The following RHOJ variants were observed in gnomAD, a reference collection of about 807,000 sequenced individuals.
RHOJ encodes ras homolog family member J.
RHOJ carries 11 observed loss-of-function variants against 23.4 expected under a neutral mutation model. The observed-to-expected ratio is 0.47, with a 90% CI of 0.30 to 0.78. The LOEUF (loss-of-function observed/expected upper bound fraction) is 0.78. RHOJ is among the 30% of genes least tolerant of loss of function. The pLI, the probability that RHOJ is intolerant of heterozygous loss-of-function variation, is 0.08. For synonymous variants in RHOJ, 102 were observed against 102.7 expected (o/e 0.99, Z 0.04); for missense variants, 254 against 273.4 (o/e 0.93, Z 0.50).
intron 1 of RHOJ, among the ~76,000 whole-genome samples, chr14:63,222,950 T>C (rs2139739330): frequency 6.6e-6 from 1 of 152,332 alleles, no homozygotes; most frequent in African/African-American, 2.4e-5. Context: ...CCTCCTCACC[T>C]CTGTGTTTCT....
chr14:63,226,206 A>G (rs1894591694), intron 1 of RHOJ, among the ~76,000 whole-genome samples: 1 of 152,166 alleles, frequency 6.6e-6, no homozygotes, highest in African/African-American at 2.4e-5. Context: ...ATAATGCCAT[A>G]TGATAGGTAA....
At chr14:63,245,166 C>T (rs1894954645) in intron 1 of RHOJ, among the ~76,000 whole-genome samples, 1 of 152,142 alleles carries the variant, frequency 6.6e-6, no homozygotes, top group Non-Finnish European at 1.5e-5. Context: ...TTCTAAAAAA[C>T]TCTGTAAGCA....
chr14:63,254,362 T>G (rs1895125347), intron 1 of RHOJ, among the ~76,000 whole-genome samples: 1 of 152,134 alleles, frequency 6.6e-6, no homozygotes, highest in South Asian at 2.1e-4. Context: ...TCACTTCCAG[T>G]CCACCAGATG....
chr14:63,235,499 C>A (rs2139626044), intron 1 of RHOJ, among the ~76,000 whole-genome samples: 1 of 152,242 alleles, frequency 6.6e-6, no homozygotes, highest in Non-Finnish European at 1.5e-5. Context: ...ACCATGTCTA[C>A]AATTTACTTT....
rs1475211695 is a variant in RHOJ at position 63,290,979 on chromosome 14, G to T, written c.600G>T (p.Lys200Asn). 3.2e-5 allele frequency: 52 copies of T among 1,614,172 alleles called. No homozygotes were observed. Among genetic ancestry groups the T allele is most frequent in the Non-Finnish European group, 4.4e-5 (52 of 1,180,022 alleles). ...AILTIFHPKKKKKRCSEGHSC... is the reference protein window; with the variant it reads ...AILTIFHPKKNKKRCSEGHSC... ...TCACCATTTTCCACCCCAAGAAAAA[G>T]AAGAAACGCTGTTCTGAGGGTCACA... Residue 200 changes from lysine to asparagine, a missense_variant, in exon 5 of 5, where the codon AAG (lysine) becomes AAT (asparagine). By Grantham distance (94) the Lys-to-Asn change is moderately conservative. Transcript: ENST00000316754.
chr14:63,244,117 C>T (rs933221705), intron 1 of RHOJ, among the ~76,000 whole-genome samples: 8 of 152,178 alleles, frequency 5.3e-5, no homozygotes, highest in Non-Finnish European at 1.2e-4. Flanking sequence ...GATGATAGAG[C>T]TTCGACTTCA....
intron 1 of RHOJ, among the ~76,000 whole-genome samples, chr14:63,261,333 CCTTT>C (rs1895268438): frequency 6.6e-6 from 1 of 151,992 alleles, no homozygotes; most frequent in Non-Finnish European, 1.5e-5. Context: ...GGTGTATTTA[CCTTT>C]CTTTTTGATA....
intron 2 of RHOJ, among the ~76,000 whole-genome samples, chr14:63,273,547 C>T (rs1895509622): frequency 6.6e-6 from 1 of 152,174 alleles, no homozygotes; most frequent in African/African-American, 2.4e-5. Flanking sequence ...GGGCATTCAC[C>T]AGCTGAGGAA....
At chr14:63,271,710 T>A (rs1345247299) in intron 2 of RHOJ, among the ~76,000 whole-genome samples, 1 of 152,254 alleles carries the variant, frequency 6.6e-6, no homozygotes, top group Non-Finnish European at 1.5e-5. Context: ...TTCTTCTGCC[T>A]CATCCTCCCA....
intron 4 of RHOJ, among the ~76,000 whole-genome samples, chr14:63,289,614 A>C (rs1467303422): frequency 6.6e-6 from 1 of 152,264 alleles, no homozygotes; most frequent in Admixed American, 6.5e-5. Flanking sequence ...ATGAACAAAT[A>C]AAACCGCAGG....
At chr14:63,255,508 A>G (rs2139644424) in intron 1 of RHOJ, among the ~76,000 whole-genome samples, 1 of 152,304 alleles carries the variant, frequency 6.6e-6, no homozygotes, top group South Asian at 2.1e-4. Flanking sequence ...AGGACCCACC[A>G]GACCATCTGA....
intron 1 of RHOJ, among the ~76,000 whole-genome samples, chr14:63,223,002 C>A (rs560900651): frequency 6.6e-6 from 1 of 152,184 alleles, no homozygotes; most frequent in African/African-American, 2.4e-5. Context: ...CACAGCTCCT[C>A]CTGCTCTCAA....
Position 63,257,724 on chromosome 14 carries a change from T to C in RHOJ, c.179-11386T>C, listed in dbSNP as rs554403798. Among the ~76,000 whole-genome samples, 17 of 149,236 alleles carry C rather than the reference T, an allele frequency of 1.1e-4. 2 individuals carry two copies. The East Asian group carries it at 3.6e-3, about 31-fold the overall frequency. On this transcript the variant is annotated intron_variant, in intron 1 of 4. Transcript: ENST00000316754. ...TTTTCCCCTCCTCTGATTTTTTTTTTCACAAGGCTGTCATTTCTCTGCAGT... is the reference window on the plus strand; with the variant it reads ...TTTTCCCCTCCTCTGATTTTTTTTTCCACAAGGCTGTCATTTCTCTGCAGT...
Position 63,291,591 on chromosome 14 carries a change from AT to A in RHOJ, c.*571del, listed in dbSNP as rs1882255752. 1.3e-5 allele frequency: 2 copies of A among 158,614 alleles called. No homozygotes were observed. Among genetic ancestry groups the A allele is most frequent in the Admixed American group, 1.2e-4 (2 of 17,158 alleles). The allele number at this position is 158,614 out of a possible 1,614,324, so 9.8% of individuals were successfully genotyped here. ...GACAAGGCATTTTATATTCATTTCT[AT>A]TTTCAGCATGTTTCTACCAAAGCTA... On this transcript the variant is annotated 3_prime_UTR_variant, in exon 5 of 5. Transcript: ENST00000316754.
chr14:63,256,578 C>G (rs530710874), intron 1 of RHOJ, among the ~76,000 whole-genome samples: 2 of 152,312 alleles, frequency 1.3e-5, no homozygotes, highest in African/African-American at 4.8e-5. Context: ...TTGGCCAGTC[C>G]CTTCTTGGAG....
intron 2 of RHOJ, 159 bp downstream of exon 2, chr14:63,269,327 C>A (rs148993659): frequency 2.0e-6 from 1 of 491,656 alleles, no homozygotes; most frequent in Non-Finnish European, 3.6e-6. Flanking sequence ...AGCACATTCT[C>A]AATATTTTAA....
chr14:63,251,599 T>A (rs1895072669), intron 1 of RHOJ, among the ~76,000 whole-genome samples: 1 of 152,140 alleles, frequency 6.6e-6, no homozygotes, highest in Non-Finnish European at 1.5e-5. Context: ...GATTTACCAA[T>A]CAGATGATTC....
intron 4 of RHOJ, chr14:63,284,129 C>A: frequency 1.4e-6 from 1 of 703,346 alleles, no homozygotes; most frequent in Non-Finnish European, 1.7e-6. Flanking sequence ...TCACTCTCTT[C>A]AAGCCAGTCA....
intron 1 of RHOJ, among the ~76,000 whole-genome samples, chr14:63,208,244 A>G (rs1894157152): frequency 6.6e-6 from 1 of 152,196 alleles, no homozygotes; most frequent in South Asian, 2.1e-4. Context: ...AAGTTCTACG[A>G]ATTCTGATGT....
Sources: gnomAD v4.1 joint callset for allele counts (sites outside exome capture counted in the v4.1 genomes callset) on GRCh38, gnomAD v4.1.1 for gene constraint, MANE v1.5 for transcripts, NCBI Gene and HGNC (gene_info 2026-07-23, HGNC 2026-07-21) for gene names.